Variants in PDZD2 observed in about 807,000 individuals in gnomAD.
PDZD2 encodes PDZ domain-containing protein 2.
In PDZD2, 90 loss-of-function variants were observed where a neutral mutation model predicts 220.7. That is an observed-to-expected ratio of 0.41 (90% CI 0.34 to 0.49). The LOEUF (loss-of-function observed/expected upper bound fraction) is 0.49, where lower values mean the gene tolerates loss of function less well. Ranked by LOEUF, PDZD2 falls within the 20% of genes least tolerant of loss-of-function variation. PDZD2 has a pLI of 0.28. For synonymous variants in PDZD2, 1,375 were observed against 1,450.5 expected (o/e 0.95, Z 1.18); for missense variants, 3,174 against 3,608.5 (o/e 0.88, Z 3.08).
chr5:32,020,524 C>T (rs1482479788), intron 6 of PDZD2, among the ~76,000 whole-genome samples: 1 of 152,102 alleles, frequency 6.6e-6, no homozygotes, highest in Non-Finnish European at 1.5e-5. Flanking sequence ...TCTTCTGAGA[C>T]TGTAATGTAG....
Position 31,862,101 on chromosome 5 carries a change from GTTTTTT to G in PDZD2, c.476+62394_476+62399del, listed in dbSNP as rs11417935. 3.2e-4 allele frequency among the ~76,000 whole-genome samples: 25 copies of G among 78,500 alleles called. No homozygotes were observed. The East Asian group carries it at 8.1e-3, about 26-fold the overall frequency. 51.5% of individuals were successfully genotyped at this position (78,500 alleles called of 152,430 possible). ...AATAGACTCAATGTTTTTTTTTTGG[GTTTTTT>G]TTTTTTTTTTTTTTTTGAGATGGAG... On this transcript the variant is annotated intron_variant, in intron 2 of 24. Coordinates refer to ENST00000438447, the MANE Select transcript of PDZD2 (RefSeq NM_178140.4).
At chr5:31,674,565 C>G (rs1746333041) in intron 1 of PDZD2, among the ~76,000 whole-genome samples, 1 of 152,106 alleles carries the variant, frequency 6.6e-6, no homozygotes, top group Non-Finnish European at 1.5e-5. Flanking sequence ...ACAGTGAAGG[C>G]GCAAGATGAG....
At chr5:31,888,842 T>C (rs1044360399) in intron 2 of PDZD2, among the ~76,000 whole-genome samples, 3 of 135,378 alleles carry the variant, frequency 2.2e-5, no homozygotes, top group Non-Finnish European at 5.2e-5. Flanking sequence ...ATACAGGGCA[T>C]GGGATCTCAC....
chr5:32,014,871 C>T (rs1222539887), intron 6 of PDZD2, among the ~76,000 whole-genome samples: 1 of 150,804 alleles, frequency 6.6e-6, no homozygotes, highest in Non-Finnish European at 1.5e-5. Context: ...ACCATGCCCA[C>T]CTAATTTTTG....
chr5:31,950,111 C>A (rs4373292), intron 2 of PDZD2, among the ~76,000 whole-genome samples: 14,141 of 152,166 alleles, frequency 0.093, 836 homozygotes, highest in South Asian at 0.2. Flanking sequence ...GATTGCAGTG[C>A]CTTTGTAGTT....
At chr5:31,838,032 A>G (rs550887941) in intron 2 of PDZD2, among the ~76,000 whole-genome samples, 1 of 152,334 alleles carries the variant, frequency 6.6e-6, no homozygotes, top group South Asian at 2.1e-4. Flanking sequence ...TGAGATCTTC[A>G]ATCTGTAAAA....
intron 7 of PDZD2, among the ~76,000 whole-genome samples, chr5:32,044,355 G>T (rs1737725406): frequency 6.6e-6 from 1 of 151,972 alleles, no homozygotes; most frequent in African/African-American, 2.4e-5. Context: ...GCCTTCTAAA[G>T]AGCTTATAGT....
chr5:31,916,981 G>T (rs940263150), intron 2 of PDZD2, among the ~76,000 whole-genome samples: 1 of 152,166 alleles, frequency 6.6e-6, no homozygotes, highest in Non-Finnish European at 1.5e-5. Context: ...GGGAACTTAG[G>T]CTGGCATGAG....
chr5:31,687,448 C>T (rs1390613845), intron 1 of PDZD2, among the ~76,000 whole-genome samples: 1 of 152,160 alleles, frequency 6.6e-6, no homozygotes, highest in African/African-American at 2.4e-5. Flanking sequence ...TGATCTTTAA[C>T]ATCCATATTG....
At chr5:31,925,889 A>T (rs1744714370) in intron 2 of PDZD2, among the ~76,000 whole-genome samples, 1 of 152,190 alleles carries the variant, frequency 6.6e-6, no homozygotes, top group African/African-American at 2.4e-5. Flanking sequence ...AGAAAAGTGC[A>T]AATTAAAACC....
rs774314829 is a variant in PDZD2 at position 32,074,421 on chromosome 5, T to A, written c.3315T>A (p.Ser1105Arg). ...TQSPTNTGSP[S>R]SPQQKSEGLG... ...GTCCGACGAACACTGGGAGCCCCAGTTCCCCCCAGCAGAAAAGTGAAGGCC... is the reference window on the plus strand; with the variant it reads ...GTCCGACGAACACTGGGAGCCCCAGATCCCCCCAGCAGAAAAGTGAAGGCC... The change falls in exon 18 of 25, where the codon AGT becomes AGA. Residue 1105 changes from serine to arginine, a missense_variant. Coordinates refer to ENST00000438447, the MANE Select transcript of PDZD2 (RefSeq NM_178140.4). 2 of 1,614,036 alleles carry A rather than the reference T, an allele frequency of 1.2e-6. No homozygotes were observed. Among genetic ancestry groups the A allele is most frequent in the East Asian group, 2.2e-5 (1 of 44,870 alleles).
At chr5:31,774,698 A>T (rs1364609003) in intron 1 of PDZD2, among the ~76,000 whole-genome samples, 2 of 152,092 alleles carry the variant, frequency 1.3e-5, no homozygotes, top group African/African-American at 2.4e-5. Flanking sequence ...CAGCCTGTGA[A>T]ACAAGAGCAA....
chr5:31,869,423 C>CATG (rs1561526661), intron 2 of PDZD2, among the ~76,000 whole-genome samples: 1 of 152,072 alleles, frequency 6.6e-6, no homozygotes, highest in East Asian at 1.9e-4. Context: ...ATTAGCCGGG[C>CATG]GTGGTGGCGG....
chr5:31,991,594 A>T (rs1751212349), intron 3 of PDZD2, among the ~76,000 whole-genome samples: 1 of 152,214 alleles, frequency 6.6e-6, no homozygotes, highest in Non-Finnish European at 1.5e-5. Flanking sequence ...GGAATTGTTA[A>T]GGAGGCAGTT....
chr5:32,095,244 C>T (rs1011746117), intron 21 of PDZD2, among the ~76,000 whole-genome samples: 3 of 152,178 alleles, frequency 2.0e-5, no homozygotes, highest in East Asian at 3.8e-4. Context: ...ACGCTCACCA[C>T]GAGGCAGGGT....
In PDZD2 at chr5:31,831,748, G is replaced by GA. The variant is rs765597222; in HGVS notation, c.476+32040dup. ...GGCGACAGAGCAAGACTCCATCTCA[G>GA]AAAAAAAAAAAAAAAATTAGCTGGG... On this transcript the variant is annotated intron_variant, in intron 2 of 24. Coordinates refer to ENST00000438447, the MANE Select transcript of PDZD2 (RefSeq NM_178140.4). 1.9e-3 allele frequency among the ~76,000 whole-genome samples: 205 copies of GA among 106,226 alleles called. 1 individual carries two copies. Among genetic ancestry groups the GA allele is most frequent in the East Asian group, 4.2e-3 (16 of 3,780 alleles). 69.7% of individuals were successfully genotyped at this position (106,226 alleles called of 152,430 possible).
At position 32,091,129 on chromosome 5, in the gene PDZD2, G is replaced by A. The variant is rs147730387; in HGVS notation, c.7681G>A (p.Gly2561Ser). 5.0e-6 allele frequency: 8 copies of A among 1,593,058 alleles called. No homozygotes were observed. The highest frequency in any genetic ancestry group is 6.0e-6 in the Non-Finnish European group (7 of 1,163,444). ...AETPSSASDT[G>S]EAAQDLPFRR... ...GACACCCAGTTCAGCCAGTGATACG[G>A]GTGAAGCTGCCCAGGATCTGCCTTT... The change falls in exon 20 of 25, where the codon GGT (glycine) becomes AGT (serine). Residue 2561 changes from glycine to serine, a missense_variant. By Grantham distance (56) the Gly-to-Ser change is moderately conservative. This residue lies in a region of PDZD2 where 631 missense variants were observed against 789.9 expected (regional missense o/e 0.80). Transcript: ENST00000438447.
intron 6 of PDZD2, among the ~76,000 whole-genome samples, chr5:32,011,008 CA>C (rs34837601): frequency 6.0e-5 from 6 of 100,370 alleles, no homozygotes; most frequent in South Asian, 3.1e-4. Context: ...AAAAACCTCT[CA>C]AAAAAAAAAA....
chr5:31,802,649 C>T (rs1162013510), intron 2 of PDZD2, among the ~76,000 whole-genome samples: 18 of 152,068 alleles, frequency 1.2e-4, no homozygotes, highest in Admixed American at 1.1e-3. Flanking sequence ...AGCCGTGCGC[C>T]GTGGCTCACG....
Sources: allele counts gnomAD v4.1 joint callset (sites outside exome capture counted in the v4.1 genomes callset), GRCh38; gene constraint gnomAD v4.1.1; regional missense constraint gnomAD v4.1.1; transcripts MANE v1.5; gene names NCBI Gene and HGNC (gene_info 2026-07-23, HGNC 2026-07-21).